Variants in ZNF433 observed in about 807,000 individuals in gnomAD.
The protein encoded by ZNF433 is zinc finger protein 433.
ZNF433 carries 12 observed loss-of-function variants against 10.6 expected under a neutral mutation model. The ratio of observed to expected loss-of-function variants is 1.13; its 90% CI spans 0.72 to 1.83. ZNF433 has a LOEUF of 1.83. Ranked by LOEUF, ZNF433 falls within the 40% of genes most tolerant of loss-of-function variation. The pLI is 0.00. For synonymous variants in ZNF433, 272 were observed against 271.3 expected (o/e 1.00, Z -0.02); for missense variants, 737 against 798.0 (o/e 0.92, Z 0.92).
intron 3 of ZNF433, 104 bp downstream of exon 3, chr19:12,017,772 G>T: frequency 2.5e-6 from 2 of 789,394 alleles, no homozygotes; most frequent in Non-Finnish European, 4.0e-6. Flanking sequence ...TAAATAGATT[G>T]AAATTGTGCT....
chr19:12,034,912 C>T (rs1227760675), intron 1 of ZNF433: 5 of 454,462 alleles, frequency 1.1e-5, no homozygotes, highest in Non-Finnish European at 2.2e-5. Flanking sequence ...CGCCTCGGGA[C>T]CACTTACTTC....
At chr19:12,023,255 A>G (rs775265695) in intron 1 of ZNF433, 6 of 152,274 alleles carry the variant, frequency 3.9e-5, no homozygotes, top group Non-Finnish European at 8.8e-5. Context: ...AAGTTCCAAC[A>G]GGGGTCTGTG....
chr19:12,023,453 TG>T (rs1212550149), intron 1 of ZNF433: 2 of 152,052 alleles, frequency 1.3e-5, no homozygotes, highest in East Asian at 3.8e-4. Context: ...TATGTGGAAA[TG>T]GGGAAAAGTG....
chr19:12,029,738 T>G (rs1427830584), intron 1 of ZNF433, among the ~76,000 whole-genome samples: 4 of 151,852 alleles, frequency 2.6e-5, no homozygotes, highest in Admixed American at 2.6e-4. Flanking sequence ...AGTACTCTTA[T>G]GAGACACAGG....
intron 1 of ZNF433, 35 bp downstream of exon 1, chr19:12,035,501 CT>C: frequency 1.3e-6 from 2 of 1,562,982 alleles, no homozygotes; most frequent in Non-Finnish European, 1.7e-6. Context: ...CAACCAGCTC[CT>C]CCCCCGCCTC....
intron 1 of ZNF433, chr19:12,022,040 T>C (rs1020257113): frequency 8.8e-6 from 4 of 454,746 alleles, no homozygotes; most frequent in Non-Finnish European, 1.8e-5. Flanking sequence ...GGCCATAAAC[T>C]GGCTCCAAAA....
In ZNF433 at chr19:12,015,903, G is replaced by A; in HGVS notation, c.955C>T (p.Pro319Ser). The A allele has an allele frequency of 1.2e-6, 2 of 1,613,076 alleles. No individual in the cohort carries two copies. Among genetic ancestry groups the A allele is most frequent in the Non-Finnish European group, 1.7e-6 (2 of 1,179,722 alleles). Residue 319 changes from proline to serine, a missense_variant, in exon 4 of 4, where the codon CCC becomes TCC. Pro to Ser is a moderately conservative substitution (Grantham distance 74, BLOSUM62 -1). Coordinates refer to ENST00000550507, the MANE Select transcript of ZNF433 (RefSeq NM_001308348.2). ...CTTTCATGTCTGCGAACAGAACTGG[G>A]ACACTTGAATGCTTTTCCACATTCC... ...CKECGKAFKC[P>S]SSVRRHERTH...
Position 12,014,879 on chromosome 19 carries a change from A to C in ZNF433, c.1979T>G (p.Val660Gly). 6.2e-7 allele frequency: 1 copy of C among 1,606,396 alleles called. No individual in the cohort carries two copies. ...KVFRCSSQLQVHGRAHCIDTP is the reference protein window; with the variant it reads ...KVFRCSSQLQGHGRAHCIDTP ...GTCTATGCAGTGAGCCCTTCCATGC[A>C]CTTGAAGTTGTGAAGAACATCTAAA... The change falls in exon 4 of 4, where the codon GTG becomes GGG. Residue 660 changes from valine (V) to glycine (G), a missense_variant. Coordinates refer to ENST00000550507, the MANE Select transcript of ZNF433 (RefSeq NM_001308348.2).
Position 12,015,193 on chromosome 19 carries a change from T to A in ZNF433, c.1665A>T (p.Gly555=). 1 of 1,614,024 alleles carries A rather than the reference T, an allele frequency of 6.2e-7. No homozygotes were observed. Among genetic ancestry groups the A allele is most frequent in the South Asian group, 1.1e-5 (1 of 91,076 alleles). The change falls in exon 4 of 4, where the codon GGA becomes GGT. Residue 555 remains glycine, a synonymous_variant. Coordinates refer to ENST00000550507, the MANE Select transcript of ZNF433 (RefSeq NM_001308348.2). ...QLQIHGRTHT[G]EKPYECKQCG... ...ACTGCTTACATTCATAAGGTTTCTC[T>A]CCAGTGTGAGTCCTTCCATGAATTT...
In ZNF433 at chr19:12,016,255, C is replaced by T. The variant is rs1974192493; in HGVS notation, c.603G>A (p.Gly201=). 3 of 1,614,184 alleles carry T rather than the reference C, an allele frequency of 1.9e-6. No homozygotes were observed. The highest frequency in any genetic ancestry group is 1.7e-6 in the Non-Finnish European group (2 of 1,180,030). ...ACAAACTGAGAAACATCAAGGCTTTCCCACAAAATTTACACTTATAAGGTC... is the reference window on the plus strand; with the variant it reads ...ACAAACTGAGAAACATCAAGGCTTTTCCACAAAATTTACACTTATAAGGTC... ...GDGPYKCKFC[G]KALMFLSLYL... Residue 201 remains glycine (G), a synonymous_variant, in exon 4 of 4, where the codon GGG becomes GGA. Transcript: ENST00000550507.
Position 12,015,228 on chromosome 19 carries a change from A to C in ZNF433, c.1630T>G (p.Ser544Ala), listed in dbSNP as rs933907333. 1 of 1,612,504 alleles carries C rather than the reference A, an allele frequency of 6.2e-7. No individual in the cohort carries two copies. The highest frequency in any genetic ancestry group is 8.5e-7 in the Non-Finnish European group (1 of 1,179,614). Residue 544 changes from serine to alanine, a missense_variant, in exon 4 of 4, where the codon TCA becomes GCA. Coordinates refer to ENST00000550507, the MANE Select transcript of ZNF433 (RefSeq NM_001308348.2). ...GTCCTTCCATGAATTTGAAGCTGTG[A>C]GGCAGATCTGAAGGCTTTTCCACAT... ...KQCGKAFRSASQLQIHGRTHT... is the reference protein window; with the variant it reads ...KQCGKAFRSAAQLQIHGRTHT...
chr19:12,017,798 C>CTTTT (rs57013722), intron 3 of ZNF433, 78 bp downstream of exon 3: 9 of 765,052 alleles, frequency 1.2e-5, no homozygotes, highest in African/African-American at 9.5e-5. Context: ...CTTTTGTTTC[C>CTTTT]TTTTTTTTTT....
chr19:12,033,585 G>T (rs571374704), intron 1 of ZNF433, among the ~76,000 whole-genome samples: 26 of 152,022 alleles, frequency 1.7e-4, no homozygotes, highest in Admixed American at 4.6e-4. Flanking sequence ...CACTTTGGGA[G>T]GCCAAGGCGG....
In ZNF433 at chr19:12,016,579, T is replaced by C. The variant is rs1268483484; in HGVS notation, c.279A>G (p.Lys93=). 1.2e-6 allele frequency: 2 copies of C among 1,614,180 alleles called. No homozygotes were observed. Among genetic ancestry groups the C allele is most frequent in the South Asian group, 2.2e-5 (2 of 91,078 alleles). The change falls in exon 4 of 4, where the codon AAA becomes AAG. Residue 93 remains lysine, a synonymous_variant. Coordinates refer to ENST00000550507, the MANE Select transcript of ZNF433 (RefSeq NM_001308348.2). The part of the protein sequence containing the change: ...LTQVPDDMLK[K]TTTGVKSCES... ...CGCATGATTTTACTCCAGTAGTTGT[T>C]TTCTTCAGCATGTCATCTGGAACCT...
intron 1 of ZNF433, among the ~76,000 whole-genome samples, chr19:12,028,730 G>A (rs1974857971): frequency 6.6e-6 from 1 of 152,128 alleles, no homozygotes; most frequent in South Asian, 2.1e-4. Context: ...ACAGGTTCTT[G>A]CACTGTCACC....
intron 1 of ZNF433, chr19:12,021,795 T>C: frequency 2.8e-6 from 1 of 354,864 alleles, no homozygotes; most frequent in South Asian, 2.1e-5. Context: ...TGAGACTACC[T>C]CCCACTCACA....
chr19:12,015,338 T>C lies in ZNF433; in HGVS notation c.1520A>G (p.Gln507Arg), dbSNP rs1245459392. Residue 507 changes from glutamine to arginine, a missense_variant, in exon 4 of 4, where the codon CAG becomes CGG. Physicochemically the swap from Gln to Arg is conservative, Grantham distance 43 (BLOSUM62 1). Coordinates refer to ENST00000550507, the MANE Select transcript of ZNF433 (RefSeq NM_001308348.2). ...HTGGKTYECK[Q>R]CGRSFNCSSS... Reference sequence around the variant, plus strand: ...CGAACAGTTGAAGGATCTGCCACACTGCTTGCATTCATAGGTTTTTCCTCC... The same window carrying C: ...CGAACAGTTGAAGGATCTGCCACACCGCTTGCATTCATAGGTTTTTCCTCC... 1.2e-6 allele frequency: 2 copies of C among 1,614,034 alleles called. No homozygotes were observed. The highest frequency in any genetic ancestry group is 1.3e-5 in the African/African-American group (1 of 74,990).
chr19:12,028,506 C>T (rs1974847183), intron 1 of ZNF433, among the ~76,000 whole-genome samples: 1 of 152,074 alleles, frequency 6.6e-6, no homozygotes, highest in Non-Finnish European at 1.5e-5. Flanking sequence ...TTTTGGTTCA[C>T]TGTGAAATTG....
chr19:12,031,862 G>C (rs1414392167), intron 1 of ZNF433, among the ~76,000 whole-genome samples: 1 of 149,792 alleles, frequency 6.7e-6, no homozygotes, highest in South Asian at 2.1e-4. Flanking sequence ...CTCCAGCCTG[G>C]GTGACAGCAA....
Sources: allele counts gnomAD v4.1 joint callset (sites outside exome capture counted in the v4.1 genomes callset), GRCh38; gene constraint gnomAD v4.1.1; transcripts MANE v1.5; gene names NCBI Gene and HGNC (gene_info 2026-07-23, HGNC 2026-07-21).